Variants in CFAP210 observed in about 807,000 individuals in gnomAD.
CFAP210 encodes the protein cilia and flagella associated protein 210.
the CFAP210 span, among the ~76,000 whole-genome samples, chr2:169,676,666 T>A: frequency 6.6e-6 from 1 of 152,234 alleles, no homozygotes; most frequent in African/African-American, 2.4e-5. Context: ...TCTTCCCTCT[T>A]TGAGAAAAGA....
chr2:169,645,899 G>C, the CFAP210 span: 1 of 1,613,866 alleles, frequency 6.2e-7, no homozygotes, highest in South Asian at 1.1e-5. Context: ...TGGTCCCTGA[G>C]AGTTATAAAA....
chr2:169,645,680 T>C, the CFAP210 span: 3 of 571,898 alleles, frequency 5.2e-6, no homozygotes, highest in Non-Finnish European at 9.1e-6. Context: ...AATCTCAAAA[T>C]TGGGGTTTTA....
the CFAP210 span, chr2:169,661,212 TG>T: frequency 1.7e-6 from 1 of 574,744 alleles, no homozygotes; most frequent in Non-Finnish European, 3.4e-6. Context: ...TCTCATCTGC[TG>T]GCTGCTGGAT....
the CFAP210 span, chr2:169,654,268 C>G: frequency 6.9e-7 from 1 of 1,447,240 alleles, no homozygotes; most frequent in Admixed American, 2.3e-5. Context: ...TATCTTTCAA[C>G]ATATCAGTAG....
the CFAP210 span, among the ~76,000 whole-genome samples, chr2:169,672,365 T>C: frequency 6.6e-6 from 1 of 152,220 alleles, no homozygotes; most frequent in Non-Finnish European, 1.5e-5. Context: ...GGTGTGTGTG[T>C]ATGTGTGAGT....
the CFAP210 span, among the ~76,000 whole-genome samples, chr2:169,683,013 C>A: frequency 6.6e-6 from 1 of 152,030 alleles, no homozygotes. Flanking sequence ...GAGAGAAAGG[C>A]AGAAGCAAGA....
At chr2:169,684,743 T>C in the CFAP210 span, among the ~76,000 whole-genome samples, 1 of 152,100 alleles carries the variant, frequency 6.6e-6, no homozygotes, top group Non-Finnish European at 1.5e-5. Flanking sequence ...AACCTCCATC[T>C]CCCGGGTTCA....
the CFAP210 span, among the ~76,000 whole-genome samples, chr2:169,689,162 T>G: frequency 6.6e-6 from 1 of 152,178 alleles, no homozygotes; most frequent in Non-Finnish European, 1.5e-5. Flanking sequence ...ATGATTCAAT[T>G]ATCTCCCCCT....
At chr2:169,648,081 T>C in the CFAP210 span, 2 of 154,714 alleles carry the variant, frequency 1.3e-5, no homozygotes, top group African/African-American at 5.3e-5. Context: ...GCTTGAACCC[T>C]GGAGGCAGAG....
At chr2:169,662,184 G>A in the CFAP210 span, 2 of 1,297,980 alleles carry the variant, frequency 1.5e-6, no homozygotes, top group Admixed American at 2.3e-5. Flanking sequence ...AATACCACAT[G>A]TACTCCATAA....
chr2:169,655,645 T>G, the CFAP210 span, among the ~76,000 whole-genome samples: 1 of 152,230 alleles, frequency 6.6e-6, no homozygotes, highest in African/African-American at 2.4e-5. Flanking sequence ...TTCTCATTTT[T>G]CAATATTGAA....
chr2:169,666,393 T>C, the CFAP210 span, among the ~76,000 whole-genome samples: 12 of 151,688 alleles, frequency 7.9e-5, no homozygotes, highest in African/African-American at 2.9e-4. Flanking sequence ...AGAGATATTG[T>C]GGGCTTGGTT....
At chr2:169,660,203 A>T in the CFAP210 span, among the ~76,000 whole-genome samples, 1 of 152,054 alleles carries the variant, frequency 6.6e-6, no homozygotes, top group African/African-American at 2.4e-5. Context: ...CCTGGCCAAC[A>T]TGGTGAAATC....
the CFAP210 span, chr2:169,649,396 G>C: frequency 6.6e-7 from 1 of 1,519,648 alleles, no homozygotes; most frequent in Middle Eastern, 1.9e-4. Flanking sequence ...ATAGCAACCA[G>C]TCTTGTCTGA....
At chr2:169,668,605 T>C in the CFAP210 span, among the ~76,000 whole-genome samples, 40,868 of 152,116 alleles carry the variant, frequency 0.27, 5,727 homozygotes, top group Non-Finnish European at 0.31. Flanking sequence ...TTAGAGGCTA[T>C]TATAAGGTTA....
At chr2:169,690,537 C>T in the CFAP210 span, among the ~76,000 whole-genome samples, 1 of 151,854 alleles carries the variant, frequency 6.6e-6, no homozygotes, top group African/African-American at 2.4e-5. Context: ...GTGGCGGGTG[C>T]CTGTAATCCC....
chr2:169,650,771 T>TGTGTGTGTG, the CFAP210 span, among the ~76,000 whole-genome samples: 9 of 148,238 alleles, frequency 6.1e-5, no homozygotes, highest in African/African-American at 1.5e-4. Context: ...TGTGTGTGTG[T>TGTGTGTGTG]TTAAGAAATA....
the CFAP210 span, chr2:169,649,328 C>T: frequency 6.2e-7 from 1 of 1,610,674 alleles, no homozygotes; most frequent in Non-Finnish European, 8.5e-7. Context: ...TGTCTTTCTT[C>T]TTCCTCTTTA....
chr2:169,669,844 T>C, the CFAP210 span, among the ~76,000 whole-genome samples: 3 of 151,686 alleles, frequency 2.0e-5, no homozygotes, highest in African/African-American at 7.3e-5. Flanking sequence ...ATTTTAAGTT[T>C]GAGATACTAT....
Sources: gnomAD v4.1 joint callset for allele counts (sites outside exome capture counted in the v4.1 genomes callset) on GRCh38, gnomAD v4.1.1 for gene constraint, MANE v1.5 for transcripts, NCBI Gene and HGNC (gene_info 2026-07-23, HGNC 2026-07-21) for gene names.